LAMTOR2: variants seen among roughly 807,000 people sequenced by gnomAD.
LAMTOR2 encodes the protein ragulator complex protein LAMTOR2.
A neutral mutation model predicts 15.8 loss-of-function variants in LAMTOR2; 4 were observed. The observed-to-expected ratio is 0.25, with a 90% CI of 0.12 to 0.58. The LOEUF is 0.58. LAMTOR2 is among the 20% of genes least tolerant of loss of function. The pLI is 0.91. For synonymous variants in LAMTOR2, 62 were observed against 64.1 expected, an observed-to-expected ratio of 0.97 and a Z score of 0.15; for missense variants, 100 against 161.0, an observed-to-expected ratio of 0.62 and a Z score of 2.05.
rs1647327576 is a variant in LAMTOR2, at chr1:156,055,581, A to G, written c.231+156A>G. The stretch of plus-strand genomic sequence containing the variant: ...CAGCATTTGTAATAGGCAGGACCCT[A>G]TTCATCAAGTGGTGGTGAGGAAGGA... On this transcript the variant is annotated intron_variant, in intron 2 of 3. Coordinates refer to ENST00000368305, the MANE Select transcript of LAMTOR2 (RefSeq NM_014017.4). The surrounding 1 kb of genome is among the most constrained non-coding windows in gnomAD (Gnocchi z 4.8). 3.7e-6 allele frequency: 3 copies of G among 804,602 alleles called. No individual in the cohort carries two copies. Among genetic ancestry groups the G allele is most frequent in the Non-Finnish European group, 4.0e-6 (2 of 495,788 alleles). The allele number at this position is 804,602 out of a possible 1,614,324, so 49.8% of individuals were successfully genotyped here. A position where few individuals can be genotyped will look rare whatever the true frequency, so the allele number is the denominator to read the frequency against.
At position 156,055,016 on chromosome 1, in the gene LAMTOR2, C is replaced by T; in HGVS notation, c.68+59C>T. 1.9e-6 allele frequency: 3 copies of T among 1,554,936 alleles called. No individual in the cohort carries two copies. The highest frequency in any genetic ancestry group is 1.8e-5 in the Admixed American group (1 of 57,050). ...CTGCAGTGGGGCGGCGCGCGGCTCC[C>T]TGAGGGAGGGGTGGGGAAGGATCAC... On this transcript the variant is annotated intron_variant, in intron 1 of 3. Transcript: ENST00000368305. This position sits in a 1 kb window ranked among gnomAD's most constrained non-coding sequence, Gnocchi z 4.8.
At position 156,055,049 on chromosome 1, in the gene LAMTOR2, G is replaced by A; in HGVS notation, c.68+92G>A. The stretch of plus-strand genomic sequence containing the variant: ...GGGGTGGGGAAGGATCACCAGGAAG[G>A]GAGGAAGCGGCAGAGGGGGCAGCGG... On this transcript the variant is annotated intron_variant, in intron 1 of 3. Transcript: ENST00000368305. The surrounding 1 kb of genome is among the most constrained non-coding windows in gnomAD (Gnocchi z 4.8). 6.8e-7 allele frequency: 1 copy of A among 1,465,794 alleles called. No individual in the cohort carries two copies. Among genetic ancestry groups the A allele is most frequent in the Non-Finnish European group, 9.5e-7 (1 of 1,055,672 alleles). 90.8% of individuals were successfully genotyped at this position (1,465,794 alleles called of 1,614,324 possible).
Position 156,057,999 on chromosome 1 carries a change from C to A in LAMTOR2, c.253C>A (p.Arg85=). ...CCAGGAGGGCCGTGTAGCCATCACC[C>A]GAGTGGCCAACCTTCTGCTGTGTAT... is the stretch of plus-strand genomic sequence containing the variant. ...DCMEGRVAIT[R]VANLLLCMYA... is the part of the protein sequence containing the mutation. The change falls in exon 3 of 4, where the codon CGA becomes AGA. Residue 85 remains arginine, a synonymous_variant. Transcript: ENST00000368305. 1 of 1,614,120 alleles carries A rather than the reference C, an allele frequency of 6.2e-7. No individual in the cohort carries two copies. The highest frequency in any genetic ancestry group is 8.5e-7 in the Non-Finnish European group (1 of 1,180,012).
chr1:156,055,378 C>G lies in LAMTOR2; in HGVS notation c.184C>G (p.Gln62Glu). 2 of 1,614,218 alleles carry G rather than the reference C, an allele frequency of 1.2e-6. No homozygotes were observed. Among genetic ancestry groups the G allele is most frequent in the Non-Finnish European group, 1.7e-6 (2 of 1,180,038 alleles). The change falls in exon 2 of 4, where the codon CAA becomes GAA. Residue 62 changes from glutamine to glutamate, a missense_variant. By Grantham distance (29) the Gln-to-Glu change is conservative. Coordinates refer to ENST00000368305, the MANE Select transcript of LAMTOR2 (RefSeq NM_014017.4). This position sits in a 1 kb window ranked among gnomAD's most constrained non-coding sequence, Gnocchi z 4.8. The part of the protein sequence containing the change: ...IWAAYDRNGN[Q>E]AFNEDNLKFI... ...GGCCGCCTACGACCGGAACGGGAAC[C>G]AAGCGTTTAATGAAGACAATCTCAA...
chr1:156,055,260 C>T lies in LAMTOR2; in HGVS notation c.69-3C>T. 4 of 1,613,872 alleles carry T rather than the reference C, an allele frequency of 2.5e-6. No individual in the cohort carries two copies. The highest frequency in any genetic ancestry group is 3.4e-6 in the Non-Finnish European group (4 of 1,180,024). On this transcript the variant is annotated splice_region_variant and splice_polypyrimidine_tract_variant and intron_variant, in intron 1 of 3. Coordinates refer to ENST00000368305, the MANE Select transcript of LAMTOR2 (RefSeq NM_014017.4). This position sits in a 1 kb window ranked among gnomAD's most constrained non-coding sequence, Gnocchi z 4.8. ...ATCGCTATCCCTCCCCGCCCCTCAC[C>T]AGGCTGCTGAATAACGAGGGATCAC...
chr1:156,057,195 A>G (rs1222179474), intron 2 of LAMTOR2, among the ~76,000 whole-genome samples: 2 of 151,204 alleles, frequency 1.3e-5, no homozygotes, highest in Non-Finnish European at 1.5e-5. Flanking sequence ...AAAAAAAAAA[A>G]AGAAATACAT....
Position 156,055,135 on chromosome 1 carries a change from G to A in LAMTOR2, c.69-128G>A. 1 of 1,431,894 alleles carries A rather than the reference G, an allele frequency of 7.0e-7. No homozygotes were observed. The highest frequency in any genetic ancestry group is 9.8e-7 in the Non-Finnish European group (1 of 1,024,480). The allele number at this position is 1,431,894 out of a possible 1,614,324, so 88.7% of individuals were successfully genotyped here. On this transcript the variant is annotated intron_variant, in intron 1 of 3. Transcript: ENST00000368305. The surrounding 1 kb of genome is among the most constrained non-coding windows in gnomAD (Gnocchi z 4.8). ...GGGAAGCCGGTGTGCTGGGTGCTTA[G>A]GGCATGTTCCGGGACACGCTCAGGC...
In LAMTOR2 at chr1:156,058,464, A is replaced by G; in HGVS notation, c.*93A>G. 5 of 1,361,162 alleles carry G rather than the reference A, an allele frequency of 3.7e-6. No homozygotes were observed. The highest frequency in any genetic ancestry group is 4.2e-6 in the Non-Finnish European group (4 of 954,156). 84.3% of individuals were successfully genotyped at this position (1,361,162 alleles called of 1,614,324 possible). On this transcript the variant is annotated 3_prime_UTR_variant, in exon 4 of 4. Coordinates refer to ENST00000368305, the MANE Select transcript of LAMTOR2 (RefSeq NM_014017.4). ...AACCTTCTTAGACAATGGGGGGAGG[A>G]TGGGACTTTGTTTTTTCCAAGAATA...
At position 156,055,717 on chromosome 1, in the gene LAMTOR2, AAGG is replaced by A; in HGVS notation, c.231+295_231+297del. Reference sequence around the variant, plus strand: ...CTCTCAGCTTCCTTACCTCATGTTTAAGGAGAAGACAATAATTTCCCTCTCCCC... The same window carrying A: ...CTCTCAGCTTCCTTACCTCATGTTTAAGAAGACAATAATTTCCCTCTCCCC... On this transcript the variant is annotated intron_variant, in intron 2 of 3. Transcript: ENST00000368305. The surrounding 1 kb of genome is among the most constrained non-coding windows in gnomAD (Gnocchi z 4.8). 1 of 453,930 alleles carries A rather than the reference AAGG, an allele frequency of 2.2e-6. No individual in the cohort carries two copies. Among genetic ancestry groups the A allele is most frequent in the Non-Finnish European group, 4.1e-6 (1 of 245,234 alleles). 28.1% of individuals were successfully genotyped at this position (453,930 alleles called of 1,614,324 possible).
rs1302559628 is a variant in LAMTOR2, at chr1:156,055,004, G to C, written c.68+47G>C. 6.3e-7 allele frequency: 1 copy of C among 1,582,908 alleles called. No individual in the cohort carries two copies. Among genetic ancestry groups the C allele is most frequent in the South Asian group, 1.1e-5 (1 of 89,442 alleles). On this transcript the variant is annotated intron_variant, in intron 1 of 3. Coordinates refer to ENST00000368305, the MANE Select transcript of LAMTOR2 (RefSeq NM_014017.4). This position sits in a 1 kb window ranked among gnomAD's most constrained non-coding sequence, Gnocchi z 4.8. ...GAGCGGCGAGCGCTGCAGTGGGGCG[G>C]CGCGCGGCTCCCTGAGGGAGGGGTG...
chr1:156,054,870 C>T lies in LAMTOR2; in HGVS notation c.-20C>T, dbSNP rs1266120389. The T allele has an allele frequency of 6.2e-7, 1 of 1,611,968 alleles. No homozygotes were observed. Among genetic ancestry groups the T allele is most frequent in the Non-Finnish European group, 8.5e-7 (1 of 1,179,312 alleles). On this transcript the variant is annotated 5_prime_UTR_variant, in exon 1 of 4. Transcript: ENST00000368305. ...CCTCGGAGATCTGGGTGCAAAAGCCCAGGGTTAGGAACCGTAGGCATGCTG... is the reference window on the plus strand; with the variant it reads ...CCTCGGAGATCTGGGTGCAAAAGCCTAGGGTTAGGAACCGTAGGCATGCTG...
chr1:156,055,833 A>G lies in LAMTOR2; in HGVS notation c.231+408A>G. The G allele has an allele frequency of 1.6e-5, 4 of 247,662 alleles. No homozygotes were observed. The South Asian group carries it at 2.0e-4, about 13-fold the overall frequency. 15.3% of individuals were successfully genotyped at this position (247,662 alleles called of 1,614,324 possible). On this transcript the variant is annotated intron_variant, in intron 2 of 3. Coordinates refer to ENST00000368305, the MANE Select transcript of LAMTOR2 (RefSeq NM_014017.4). This position sits in a 1 kb window ranked among gnomAD's most constrained non-coding sequence, Gnocchi z 4.8. ...TGCAAACACAAAGTGTTGTCATCCC[A>G]GTTTCACCGACTCACAGAACCATGG... is the stretch of plus-strand genomic sequence containing the variant.
At chr1:156,057,201 T>C (rs921663878) in intron 2 of LAMTOR2, among the ~76,000 whole-genome samples, 14 of 111,540 alleles carry the variant, frequency 1.3e-4, no homozygotes, top group African/African-American at 4.9e-4. Context: ...AAAAAAGAAA[T>C]ACATTTTAAG....
At chr1:156,058,194 G>A in intron 3 of LAMTOR2, 121 bp from the exon 4 acceptor site, 2 of 1,505,654 alleles carry the variant, frequency 1.3e-6, no homozygotes, top group Non-Finnish European at 1.8e-6. Context: ...GTGTGGGCCA[G>A]CTCCCAAGAG....
At chr1:156,057,829 G>A in intron 2 of LAMTOR2, 149 bp from the exon 3 acceptor site, 1 of 722,232 alleles carries the variant, frequency 1.4e-6, no homozygotes, top group Non-Finnish European at 2.4e-6. Context: ...GTTCAGGGCT[G>A]TGGCCAAAAG....
Position 156,055,017 on chromosome 1 carries a change from T to C in LAMTOR2, c.68+60T>C. ...TGCAGTGGGGCGGCGCGCGGCTCCC[T>C]GAGGGAGGGGTGGGGAAGGATCACC... On this transcript the variant is annotated intron_variant, in intron 1 of 3. Coordinates refer to ENST00000368305, the MANE Select transcript of LAMTOR2 (RefSeq NM_014017.4). The surrounding 1 kb of genome is among the most constrained non-coding windows in gnomAD (Gnocchi z 4.8). The C allele has an allele frequency of 3.2e-6, 5 of 1,551,494 alleles. No homozygotes were observed. The highest frequency in any genetic ancestry group is 4.4e-6 in the Non-Finnish European group (5 of 1,132,284).
Position 156,055,043 on chromosome 1 carries a change from A to G in LAMTOR2, c.68+86A>G, listed in dbSNP as rs371745826. ...GAGGGAGGGGTGGGGAAGGATCACC[A>G]GGAAGGGAGGAAGCGGCAGAGGGGG... On this transcript the variant is annotated intron_variant, in intron 1 of 3. Coordinates refer to ENST00000368305, the MANE Select transcript of LAMTOR2 (RefSeq NM_014017.4). This position sits in a 1 kb window ranked among gnomAD's most constrained non-coding sequence, Gnocchi z 4.8. 2 of 1,467,944 alleles carry G rather than the reference A, an allele frequency of 1.4e-6. No homozygotes were observed. The highest frequency in any genetic ancestry group is 2.3e-5 in the East Asian group (1 of 42,750). The allele number at this position is 1,467,944 out of a possible 1,614,324, so 90.9% of individuals were successfully genotyped here. A position where few individuals can be genotyped will look rare whatever the true frequency, so the allele number is the denominator to read the frequency against.
chr1:156,054,941 G>A lies in LAMTOR2; in HGVS notation c.52G>A (p.Gly18Ser), dbSNP rs753729844. Residue 18 changes from glycine to serine, a missense_variant, in exon 1 of 4, where the codon GGC becomes AGC. Gly to Ser is a moderately conservative substitution (Grantham distance 56). Coordinates refer to ENST00000368305, the MANE Select transcript of LAMTOR2 (RefSeq NM_014017.4). ...GGTGCTAAGCCAAGCCAACACTGGA[G>A]GCGTCCAGAGCACCCTGTGAGTGCA... ...TQVLSQANTG[G>S]VQSTLLLNNE... The A allele has an allele frequency of 1.2e-6, 2 of 1,612,616 alleles. No individual in the cohort carries two copies. Among genetic ancestry groups the A allele is most frequent in the Non-Finnish European group, 1.7e-6 (2 of 1,179,758 alleles).
chr1:156,055,722 G>A lies in LAMTOR2; in HGVS notation c.231+297G>A, dbSNP rs535848334. On this transcript the variant is annotated intron_variant, in intron 2 of 3. Transcript: ENST00000368305. The surrounding 1 kb of genome is among the most constrained non-coding windows in gnomAD (Gnocchi z 4.8). Reference sequence around the variant, plus strand: ...AGCTTCCTTACCTCATGTTTAAGGAGAAGACAATAATTTCCCTCTCCCCGC... The same window carrying A: ...AGCTTCCTTACCTCATGTTTAAGGAAAAGACAATAATTTCCCTCTCCCCGC... The A allele has an allele frequency of 4.3e-5, 19 of 446,766 alleles. No homozygotes were observed. The highest frequency in any genetic ancestry group is 7.9e-5 in the Non-Finnish European group (19 of 240,974). The allele number at this position is 446,766 out of a possible 1,614,324, so 27.7% of individuals were successfully genotyped here. A position where few individuals can be genotyped will look rare whatever the true frequency, so the allele number is the denominator to read the frequency against.
Sources: gnomAD v4.1 joint callset for allele counts (sites outside exome capture counted in the v4.1 genomes callset) on GRCh38, gnomAD v4.1.1 for gene constraint, Gnocchi (gnomAD v3.1) non-coding constraint, MANE v1.5 for transcripts, NCBI Gene and HGNC (gene_info 2026-07-23, HGNC 2026-07-21) for gene names.